The following BTBD9 variants were observed in gnomAD, a reference collection of about 807,000 sequenced individuals.
BTBD9 encodes the protein BTB domain containing 9.
Under a neutral mutation model 64.3 loss-of-function variants are expected in BTBD9, and 49 were observed. The ratio of observed to expected loss-of-function variants is 0.76; its 90% CI spans 0.61 to 0.97. The LOEUF is 0.97. Ranked by LOEUF, BTBD9 falls within the 50% of genes least tolerant of loss-of-function variation. The pLI is 0.00. For missense variants in BTBD9, 598 were observed against 762.1 expected (o/e 0.78, Z 2.53); for synonymous variants, 260 against 274.7 (o/e 0.95, Z 0.53).
At chr6:38,544,370 AACAT>A (rs1428072868) in intron 6 of BTBD9, among the ~76,000 whole-genome samples, 1 of 152,064 alleles carries the variant, frequency 6.6e-6, no homozygotes, top group East Asian at 1.9e-4. Context: ...ACTGAATAAA[AACAT>A]AAGGGGCAAG....
chr6:38,247,928 CA>C (rs897900735), intron 9 of BTBD9, among the ~76,000 whole-genome samples: 5 of 147,238 alleles, frequency 3.4e-5, no homozygotes, highest in Admixed American at 1.4e-4. Context: ...ATGGCTCTAG[CA>C]AAAAAAAAAT....
chr6:38,376,593 G>C (rs1199715660), intron 6 of BTBD9, among the ~76,000 whole-genome samples: 1 of 152,024 alleles, frequency 6.6e-6, no homozygotes, highest in South Asian at 2.1e-4. Flanking sequence ...AGAAACAAAA[G>C]CTGTGTTAAC....
At chr6:38,580,935 G>A (rs546166157) in intron 4 of BTBD9, among the ~76,000 whole-genome samples, 136 of 152,302 alleles carry the variant, frequency 8.9e-4, no homozygotes, top group African/African-American at 3.0e-3. Context: ...GCTCATGCCT[G>A]TAATCCCAGC....
chr6:38,305,921 T>A (rs1270823405), intron 7 of BTBD9, among the ~76,000 whole-genome samples: 7 of 152,198 alleles, frequency 4.6e-5, no homozygotes, highest in Admixed American at 4.6e-4. Flanking sequence ...AAATCCTCCA[T>A]TTCAGCAGGG....
At chr6:38,251,972 A>G (rs1490704001) in intron 9 of BTBD9, among the ~76,000 whole-genome samples, 2 of 152,106 alleles carry the variant, frequency 1.3e-5, no homozygotes, top group Non-Finnish European at 2.9e-5. Flanking sequence ...ATGAAGAAAG[A>G]GGGGTAAAAT....
chr6:38,551,541 G>C (rs896044549), intron 6 of BTBD9, among the ~76,000 whole-genome samples: 2 of 152,170 alleles, frequency 1.3e-5, no homozygotes, highest in African/African-American at 4.8e-5. Context: ...CTCCTACAAA[G>C]AAGCCACTAT....
intron 8 of BTBD9, among the ~76,000 whole-genome samples, chr6:38,280,480 C>T (rs1022046437): frequency 2.4e-4 from 37 of 152,272 alleles, no homozygotes; most frequent in Admixed American, 9.2e-4. Context: ...AAATATCTTT[C>T]CAATTTTGAC....
At chr6:38,392,241 C>G (rs993306003) in intron 6 of BTBD9, among the ~76,000 whole-genome samples, 1 of 150,504 alleles carries the variant, frequency 6.6e-6, no homozygotes, top group Non-Finnish European at 1.5e-5. Flanking sequence ...GAGAGAAAAA[C>G]GGAGTCAAAG....
intron 6 of BTBD9, among the ~76,000 whole-genome samples, chr6:38,351,660 C>T (rs753530880): frequency 2.0e-5 from 3 of 151,908 alleles, no homozygotes; most frequent in African/African-American, 4.8e-5. Flanking sequence ...CGCTACCACG[C>T]CGGCTACTTT....
At chr6:38,289,212 A>G (rs1761867624) in intron 7 of BTBD9, among the ~76,000 whole-genome samples, 1 of 152,192 alleles carries the variant, frequency 6.6e-6, no homozygotes, top group South Asian at 2.1e-4. Flanking sequence ...ATTTCTACCC[A>G]AAATACAAAA....
chr6:38,178,168 G>GGAGT (rs1375511843), intron 10 of BTBD9, among the ~76,000 whole-genome samples: 3 of 152,330 alleles, frequency 2.0e-5, no homozygotes, highest in African/African-American at 4.8e-5. Flanking sequence ...TACACAGGCA[G>GGAGT]GAGTGAGTTA....
In BTBD9 at chr6:38,263,401, T is replaced by C. The variant is rs112326457; in HGVS notation, c.1455-6885A>G. Among the ~76,000 whole-genome samples, 699 of 152,338 alleles carry C rather than the reference T, an allele frequency of 4.6e-3. 3 individuals carry two copies. The highest frequency in any genetic ancestry group is 0.016 in the African/African-American group (667 of 41,574). On this transcript the variant is annotated intron_variant, in intron 8 of 10. Transcript: ENST00000481247. ...AGGTTTTTTTGGTATGTCTGTACATTACACAGTAACTCCTGTCTTTGACAA... is the reference window on the plus strand; with the variant it reads ...AGGTTTTTTTGGTATGTCTGTACATCACACAGTAACTCCTGTCTTTGACAA...
chr6:38,607,480 T>G (rs1425428694), intron 1 of BTBD9, among the ~76,000 whole-genome samples: 2 of 152,188 alleles, frequency 1.3e-5, no homozygotes, highest in African/African-American at 4.8e-5. Context: ...AACTGTAGTA[T>G]TATGCTAATG....
intron 8 of BTBD9, among the ~76,000 whole-genome samples, chr6:38,260,112 T>G (rs1483474943): frequency 2.0e-5 from 3 of 152,230 alleles, no homozygotes; most frequent in African/African-American, 7.2e-5. Context: ...TTATTTTGAT[T>G]ATAAGAACTT....
intron 6 of BTBD9, among the ~76,000 whole-genome samples, chr6:38,483,834 A>G (rs547933359): frequency 6.6e-6 from 1 of 152,296 alleles, no homozygotes; most frequent in East Asian, 1.9e-4. Flanking sequence ...TCACTTCCTC[A>G]GAAAGGCCTT....
chr6:38,205,685 A>C (rs1762614639), intron 9 of BTBD9, among the ~76,000 whole-genome samples: 1 of 151,828 alleles, frequency 6.6e-6, no homozygotes, highest in African/African-American at 2.4e-5. Context: ...GGAGTTCGAG[A>C]CCAGCCTGGC....
At chr6:38,493,830 G>T (rs767799340) in intron 6 of BTBD9, among the ~76,000 whole-genome samples, 6 of 152,106 alleles carry the variant, frequency 3.9e-5, no homozygotes, top group African/African-American at 1.2e-4. Context: ...TGGTTTTAGC[G>T]TTTTTAACTT....
At chr6:38,475,210 G>A (rs530679073) in intron 6 of BTBD9, among the ~76,000 whole-genome samples, 4 of 152,276 alleles carry the variant, frequency 2.6e-5, no homozygotes, top group Admixed American at 6.5e-5. Flanking sequence ...TACTGAATTA[G>A]TGGTCTACGG....
At chr6:38,502,634 T>C (rs1478088466) in intron 6 of BTBD9, among the ~76,000 whole-genome samples, 1 of 152,202 alleles carries the variant, frequency 6.6e-6, no homozygotes, top group Non-Finnish European at 1.5e-5. Context: ...GAGCAGGATA[T>C]CTTCATCTTC....
Sources: gnomAD v4.1 joint callset for allele counts (sites outside exome capture counted in the v4.1 genomes callset) on GRCh38, gnomAD v4.1.1 for gene constraint, MANE v1.5 for transcripts, NCBI Gene and HGNC (gene_info 2026-07-23, HGNC 2026-07-21) for gene names.